Variants in SNTG1 observed in about 807,000 individuals in gnomAD.
The protein encoded by SNTG1 is gamma-1-syntrophin.
Under a neutral mutation model 74.7 loss-of-function variants are expected in SNTG1, and 39 were observed. The observed-to-expected ratio is 0.52, with a 90% confidence interval of 0.40 to 0.68. The LOEUF (loss-of-function observed/expected upper bound fraction) is 0.68. Among genes scored for constraint, SNTG1 ranks in the 30% least tolerant of loss-of-function variants. The probability of loss-of-function intolerance (pLI) is 0.00; values close to 1 mark genes in which losing one functional copy is unlikely to be tolerated. For synonymous variants in SNTG1, 254 were observed against 217.1 expected, an observed-to-expected ratio of 1.17 and a Z score of -1.49; for missense variants, 685 against 609.5, an observed-to-expected ratio of 1.12 and a Z score of -1.30.
intron 8 of SNTG1, among the ~76,000 whole-genome samples, chr8:50,475,709 A>T (rs2093691832): frequency 6.6e-6 from 1 of 152,162 alleles, no homozygotes; most frequent in Non-Finnish European, 1.5e-5. Flanking sequence ...ATAACTAAAA[A>T]GTTTGCTGAA....
In SNTG1 at chr8:50,400,124, G is replaced by A. The variant is rs532926230; in HGVS notation, c.28-2086G>A. ...ATATATTCCCATCAATATTACAGCG[G>A]ATTCTTTTAAAGTAGCAGACTCCCA... On this transcript the variant is annotated intron_variant, in intron 3 of 18. Transcript: ENST00000642720. 1.5e-3 allele frequency among the ~76,000 whole-genome samples: 223 copies of A among 152,256 alleles called. 1 individual carries two copies. The highest frequency in any genetic ancestry group is 5.1e-3 in the African/African-American group (211 of 41,558).
intron 18 of SNTG1, among the ~76,000 whole-genome samples, chr8:50,783,371 CTTTG>C (rs1348725447): frequency 6.6e-6 from 1 of 152,220 alleles, no homozygotes; most frequent in African/African-American, 2.4e-5. Flanking sequence ...TTCCTGGCTG[CTTTG>C]TTTACCTAAG....
chr8:50,150,424 C>T (rs1298551680), intron 1 of SNTG1, among the ~76,000 whole-genome samples: 3 of 152,128 alleles, frequency 2.0e-5, no homozygotes, highest in Non-Finnish European at 4.4e-5. Context: ...GAACTTCCAA[C>T]ACTATGTTGA....
rs1287747656 is a variant in SNTG1 at position 50,316,149 on chromosome 8, C to CA, written c.-27-78059dup. 1.4e-4 allele frequency among the ~76,000 whole-genome samples: 21 copies of CA among 152,110 alleles called. No homozygotes were observed. In the East Asian group the frequency reaches 2.3e-3, roughly 17 times the overall value. On this transcript the variant is annotated intron_variant, in intron 2 of 18. Transcript: ENST00000642720. ...GTCTTGTCACTGCAAGTGATCAATT[C>CA]AAAACATTTAAAAACAATGAGGTAA... is the stretch of plus-strand genomic sequence containing the variant.
At chr8:49,978,709 C>A (rs925163683) in intron 1 of SNTG1, among the ~76,000 whole-genome samples, 2 of 152,052 alleles carry the variant, frequency 1.3e-5, no homozygotes, top group African/African-American at 4.8e-5. Flanking sequence ...AGAAAAACAG[C>A]CATTTTATTG....
chr8:50,482,445 T>C (rs2093748641), intron 8 of SNTG1, among the ~76,000 whole-genome samples: 1 of 152,168 alleles, frequency 6.6e-6, no homozygotes, highest in Non-Finnish European at 1.5e-5. Context: ...CCCTCAGTAG[T>C]TTTTGTAACA....
intron 11 of SNTG1, among the ~76,000 whole-genome samples, chr8:50,541,243 C>CTGTGTGTG (rs200129335): frequency 0.027 from 3,889 of 143,002 alleles, 137 homozygotes; most frequent in African/African-American, 0.081. Context: ...AAGATTTTAC[C>CTGTGTGTG]TGTGTGTGTG....
intron 17 of SNTG1, among the ~76,000 whole-genome samples, chr8:50,718,488 C>T (rs75287515): frequency 0.016 from 2,451 of 152,248 alleles, 28 homozygotes; most frequent in Non-Finnish European, 0.024. Flanking sequence ...CTAATTTATA[C>T]GGCTGCAGTT....
At chr8:50,295,074 G>A (rs1014068106) in intron 2 of SNTG1, among the ~76,000 whole-genome samples, 1 of 152,202 alleles carries the variant, frequency 6.6e-6, no homozygotes, top group Non-Finnish European at 1.5e-5. Flanking sequence ...TGGAGGTACT[G>A]TAGTCTGAGA....
chr8:50,729,853 C>T (rs575364115), intron 17 of SNTG1, among the ~76,000 whole-genome samples: 1 of 152,218 alleles, frequency 6.6e-6, no homozygotes, highest in East Asian at 1.9e-4. Flanking sequence ...CAGGGTCAGA[C>T]ATTTATATTT....
At chr8:50,410,776 T>C (rs1001528184) in intron 4 of SNTG1, among the ~76,000 whole-genome samples, 4 of 152,182 alleles carry the variant, frequency 2.6e-5, no homozygotes, top group African/African-American at 9.7e-5. Flanking sequence ...TGTCTTTCTG[T>C]GCCTGACTTA....
intron 11 of SNTG1, among the ~76,000 whole-genome samples, chr8:50,540,743 A>T (rs2094340620): frequency 6.6e-6 from 1 of 152,142 alleles, no homozygotes; most frequent in African/African-American, 2.4e-5. Context: ...TGGCATGTCC[A>T]GTACCTTTGG....
intron 1 of SNTG1, among the ~76,000 whole-genome samples, chr8:50,089,896 C>T (rs578214197): frequency 2.8e-4 from 43 of 152,290 alleles, no homozygotes; most frequent in African/African-American, 1.0e-3. Flanking sequence ...ACCCAGCCAT[C>T]CCATTACTGG....
intron 1 of SNTG1, among the ~76,000 whole-genome samples, chr8:50,087,439 A>G (rs1454725739): frequency 6.6e-6 from 1 of 152,146 alleles, no homozygotes; most frequent in Non-Finnish European, 1.5e-5. Flanking sequence ...ATTTGTTTCA[A>G]TAATGTCAAG....
intron 17 of SNTG1, among the ~76,000 whole-genome samples, chr8:50,748,795 A>G (rs2095560798): frequency 6.6e-6 from 1 of 152,040 alleles, no homozygotes; most frequent in African/African-American, 2.4e-5. Context: ...AACTGTGCCC[A>G]TATAAGATGG....
At chr8:50,232,172 G>A (rs913443346) in intron 2 of SNTG1, among the ~76,000 whole-genome samples, 1 of 151,404 alleles carries the variant, frequency 6.6e-6, no homozygotes, top group Non-Finnish European at 1.5e-5. Context: ...AGAGCAATAT[G>A]TCTTAAAAAT....
At chr8:50,137,354 A>G (rs2131440862) in intron 1 of SNTG1, among the ~76,000 whole-genome samples, 1 of 152,260 alleles carries the variant, frequency 6.6e-6, no homozygotes, top group East Asian at 1.9e-4. Flanking sequence ...TCATTGGACC[A>G]ATCTCATCTC....
Position 50,030,627 on chromosome 8 carries a change from T to C in SNTG1, c.-103+118396T>C, listed in dbSNP as rs144373770. On this transcript the variant is annotated intron_variant, in intron 1 of 18. Coordinates refer to ENST00000642720, the MANE Select transcript of SNTG1 (RefSeq NM_018967.5). ...ATCATTTCTCCACTTATTATTGTTT[T>C]TCCTCTCTTGCTAGGCATTAGATGT... Among the ~76,000 whole-genome samples the C allele has an allele frequency of 8.6e-3, 1,314 of 152,184 alleles. 9 individuals carry two copies. Among genetic ancestry groups the C allele is most frequent in the Non-Finnish European group, 0.014 (975 of 67,938 alleles).
intron 13 of SNTG1, among the ~76,000 whole-genome samples, chr8:50,615,850 C>T (rs762027022): frequency 2.6e-4 from 39 of 152,318 alleles, no homozygotes; most frequent in Non-Finnish European, 5.1e-4. Context: ...ACGCATTTGT[C>T]AGTGTTCTCC....
Sources: gnomAD v4.1 joint callset for allele counts (sites outside exome capture counted in the v4.1 genomes callset) on GRCh38, gnomAD v4.1.1 for gene constraint, MANE v1.5 for transcripts, NCBI Gene and HGNC (gene_info 2026-07-23, HGNC 2026-07-21) for gene names.